Variants in MID1 observed in about 807,000 individuals in gnomAD.
The protein encoded by MID1 is midline 1, also known as E3 ubiquitin-protein ligase Midline-1.
Under a neutral mutation model 40.4 loss-of-function variants are expected in MID1, and 7 were observed. The observed-to-expected ratio is 0.17, with a 90% CI of 0.10 to 0.33. The LOEUF is 0.33. Among genes scored for constraint, MID1 ranks in the 10% least tolerant of loss-of-function variants. The pLI, the probability that MID1 is intolerant of heterozygous loss-of-function variation, is 1.00. For synonymous variants in MID1, 229 were observed against 221.2 expected, an observed-to-expected ratio of 1.04 and a Z score of -0.31; for missense variants, 367 against 558.5, an observed-to-expected ratio of 0.66 and a Z score of 3.46.
chrX:10,551,159 C>A (rs1048483215), intron 2 of MID1, among the ~76,000 whole-genome samples: 6 of 111,944 alleles, frequency 5.4e-5, no homozygotes, highest in African/African-American at 1.6e-4. Context: ...ATAGTTGTTA[C>A]ATTGTATTGT....
At chrX:10,738,049 C>G (rs2043498310) in intron 1 of MID1, among the ~76,000 whole-genome samples, 1 of 110,994 alleles carries the variant, frequency 9.0e-6, no homozygotes, top group Non-Finnish European at 1.9e-5. Flanking sequence ...GGTTGGGTAC[C>G]CCTGTCATCA....
chrX:10,673,394 C>T (rs1011167542), intron 1 of MID1, among the ~76,000 whole-genome samples: 2 of 112,053 alleles, frequency 1.8e-5, no homozygotes, highest in African/African-American at 6.5e-5. Flanking sequence ...CCAGGGCAGG[C>T]ATGGCCAGAA....
intron 1 of MID1, among the ~76,000 whole-genome samples, chrX:10,592,494 T>C (rs1935328881): frequency 9.1e-6 from 1 of 109,368 alleles, no homozygotes; most frequent in Non-Finnish European, 1.9e-5. Context: ...CAGCTCTAAA[T>C]GGCAGGTTTA....
intron 1 of MID1, among the ~76,000 whole-genome samples, chrX:10,719,303 G>A (rs1348862731): frequency 9.0e-6 from 1 of 111,014 alleles, no homozygotes; most frequent in Non-Finnish European, 1.9e-5. Flanking sequence ...AAACCCCATC[G>A]TCTCAGCCCA....
intron 1 of MID1, among the ~76,000 whole-genome samples, chrX:10,752,373 C>T (rs1011333253): frequency 1.8e-5 from 2 of 111,987 alleles, no homozygotes; most frequent in African/African-American, 3.2e-5. Context: ...CTACCTACTT[C>T]GAATCCTACT....
intron 5 of MID1, 143 bp downstream of exon 5, chrX:10,482,337 A>G: frequency 1.5e-6 from 1 of 671,441 alleles, no homozygotes; most frequent in Non-Finnish European, 2.4e-6. Context: ...TTTAGCTGGA[A>G]CAAAACAGCT....
chrX:10,748,809 A>G (rs150857322), intron 1 of MID1, among the ~76,000 whole-genome samples: 1 of 111,584 alleles, frequency 9.0e-6, no homozygotes, highest in East Asian at 2.8e-4. Context: ...TTTAAACCCC[A>G]TTAATTAAAT....
At chrX:10,625,235 G>A (rs1481006170), upstream of MID1, among the ~76,000 whole-genome samples, 1 of 111,308 alleles carries the variant, frequency 9.0e-6, no homozygotes, top group African/African-American at 3.3e-5. Context: ...GGGAAACCTC[G>A]ATTTTGCTGT....
At chrX:10,681,030 A>G (rs2043056204) in intron 1 of MID1, among the ~76,000 whole-genome samples, 1 of 76,599 alleles carries the variant, frequency 1.3e-5, no homozygotes, top group Admixed American at 1.6e-4. Context: ...TGTCTCAATA[A>G]TAATAATAAT....
chrX:10,730,593 A>G (rs2043439188), intron 1 of MID1, among the ~76,000 whole-genome samples: 2 of 84,836 alleles, frequency 2.4e-5, no homozygotes, highest in African/African-American at 4.9e-5. Context: ...TTTTTCTGAG[A>G]CGGAGTCTCG....
intron 2 of MID1, among the ~76,000 whole-genome samples, chrX:10,566,534 T>A (rs867175723): frequency 2.2e-5 from 2 of 90,874 alleles, no homozygotes; most frequent in Non-Finnish European, 4.2e-5. Context: ...TCTCTCTCCC[T>A]CTCTCTCTCT....
chrX:10,600,403 T>A (rs1935498233), intron 1 of MID1, among the ~76,000 whole-genome samples: 1 of 111,584 alleles, frequency 9.0e-6, no homozygotes, highest in African/African-American at 3.3e-5. Context: ...TAACTTTAAT[T>A]TTTCTTCTAA....
At chrX:10,702,785 G>A (rs2043200672) in intron 1 of MID1, among the ~76,000 whole-genome samples, 1 of 112,396 alleles carries the variant, frequency 8.9e-6, no homozygotes, top group African/African-American at 3.2e-5. Context: ...TTAACCCCCA[G>A]TGGGGTTGTA....
chrX:10,533,677 T>C (rs1313751743), intron 2 of MID1, among the ~76,000 whole-genome samples: 3 of 112,034 alleles, frequency 2.7e-5, no homozygotes, highest in African/African-American at 9.7e-5. Flanking sequence ...ACCACCAAAA[T>C]AAATTTTAAC....
chrX:10,610,421 T>C (rs1013981062), intron 1 of MID1, among the ~76,000 whole-genome samples: 2 of 111,487 alleles, frequency 1.8e-5, no homozygotes, highest in Non-Finnish European at 3.8e-5. Flanking sequence ...AGGGGAAGGG[T>C]CAAATCAATT....
At chrX:10,495,027 A>T (rs1931170548) in intron 4 of MID1, among the ~76,000 whole-genome samples, 1 of 111,561 alleles carries the variant, frequency 9.0e-6, no homozygotes, top group Non-Finnish European at 1.9e-5. Flanking sequence ...ATAGGAAATT[A>T]AAACATAGAA....
At chrX:10,743,993 C>A (rs1473991844) in intron 1 of MID1, among the ~76,000 whole-genome samples, 1 of 111,352 alleles carries the variant, frequency 9.0e-6, no homozygotes, top group Non-Finnish European at 1.9e-5. Flanking sequence ...GGGTTCATTT[C>A]TTAGTAAATT....
chrX:10,460,706 G>A (rs1481847479), intron 7 of MID1, among the ~76,000 whole-genome samples: 6 of 110,731 alleles, frequency 5.4e-5, no homozygotes, highest in Admixed American at 2.9e-4. Flanking sequence ...GGACTCCAAA[G>A]CCACCACCCC....
intron 1 of MID1, among the ~76,000 whole-genome samples, chrX:10,706,181 G>A (rs1213011716): frequency 1.8e-5 from 2 of 110,942 alleles, no homozygotes; most frequent in African/African-American, 6.6e-5. Flanking sequence ...GGAAGGGGTG[G>A]GGGGTGTGTG....
Sources: gnomAD v4.1 joint callset for allele counts (sites outside exome capture counted in the v4.1 genomes callset) on GRCh38, gnomAD v4.1.1 for gene constraint, MANE v1.5 for transcripts, NCBI Gene and HGNC (gene_info 2026-07-23, HGNC 2026-07-21) for gene names.